TGFB1: variants seen among roughly 807,000 people sequenced by gnomAD.
The protein encoded by TGFB1 is transforming growth factor beta 1, also known as transforming growth factor beta-1 proprotein.
TGFB1 carries 19 observed loss-of-function variants against 43.8 expected under a neutral mutation model. The observed-to-expected ratio is 0.43, with a 90% CI of 0.30 to 0.64. TGFB1 has a LOEUF of 0.64. TGFB1 is among the 30% of genes least tolerant of loss of function. The probability of loss-of-function intolerance (pLI) is 0.11; values close to 1 mark genes in which losing one functional copy is unlikely to be tolerated. For synonymous variants in TGFB1, 221 were observed against 236.3 expected, an observed-to-expected ratio of 0.94 and a Z score of 0.60; for missense variants, 445 against 529.8, an observed-to-expected ratio of 0.84 and a Z score of 1.57.
At chr19:41,343,999 T>TTC (rs386389044) in intron 3 of TGFB1, among the ~76,000 whole-genome samples, 2 of 127,748 alleles carry the variant, frequency 1.6e-5, no homozygotes, top group East Asian at 3.9e-4. Flanking sequence ...TTTTTTTTTT[T>TTC]TGAGATGGGA....
At position 41,341,913 on chromosome 19, in the gene TGFB1, C is replaced by T. The variant is rs1195992341; in HGVS notation, c.830G>A (p.Arg277His). The T allele has an allele frequency of 1.2e-6, 2 of 1,613,900 alleles. No homozygotes were observed. Among genetic ancestry groups the T allele is most frequent in the African/African-American group, 1.3e-5 (1 of 75,038 alleles). The part of the protein sequence containing the change: ...RAQHLQSSRH[R>H]RALDTNYCFS... The stretch of plus-strand genomic sequence containing the variant: ...GCAATAGTTGGTGTCCAGGGCTCGG[C>T]GGTGCCGGGAGCTTTGCAGATGCTG... Residue 277 changes from arginine to histidine, a missense_variant, in exon 5 of 7, where the codon CGC becomes CAC. Coordinates refer to ENST00000221930, the MANE Select transcript of TGFB1 (RefSeq NM_000660.7).
At chr19:41,344,992 T>C in intron 2 of TGFB1, 128 bp from the exon 3 acceptor site, 1 of 827,760 alleles carries the variant, frequency 1.2e-6, no homozygotes, top group East Asian at 2.7e-5. Flanking sequence ...GGCACTACCC[T>C]CTCAGACAGC....
intron 5 of TGFB1, among the ~76,000 whole-genome samples, chr19:41,337,592 T>G (rs147489543): frequency 2.6e-5 from 4 of 152,218 alleles, no homozygotes; most frequent in African/African-American, 9.6e-5. Flanking sequence ...TAGGACTTTT[T>G]TCAAAATCTA....
chr19:41,344,152 T>G (rs540219940), intron 3 of TGFB1, among the ~76,000 whole-genome samples: 1 of 151,824 alleles, frequency 6.6e-6, no homozygotes, highest in East Asian at 1.9e-4. Flanking sequence ...ATGGCTAATT[T>G]TTGTATTTTT....
At position 41,352,777 on chromosome 19, in the gene TGFB1, C is replaced by T. The variant is rs1318218099; in HGVS notation, c.268G>A (p.Gly90Arg). Residue 90 changes from glycine to arginine, a missense_variant, in exon 1 of 7, where the codon GGG (glycine) becomes AGG (arginine). Gly to Arg is a moderately radical substitution (Grantham distance 125, BLOSUM62 -2). Transcript: ENST00000221930. ...TCGGGCTCCGGTTCTGCACTCTCCC[C>T]GGCCACCCGGTCGCGGGTGCTGTTG... ...LYNSTRDRVA[G>R]ESAEPEPEPE... 2 of 1,610,726 alleles carry T rather than the reference C, an allele frequency of 1.2e-6. No individual in the cohort carries two copies. The highest frequency in any genetic ancestry group is 1.1e-5 in the South Asian group (1 of 90,792).
Position 41,342,305 on chromosome 19 carries a change from G to A in TGFB1, c.635-58C>T, listed in dbSNP as rs994625081. 40 of 1,534,764 alleles carry A rather than the reference G, an allele frequency of 2.6e-5. 1 individual carries two copies. In the Admixed American group the frequency reaches 6.1e-4, roughly 23 times the overall value. ...GAGTGCAGCTCACCCAGCCCCTGGA[G>A]GAAGAGGAAGGAAGGAGCAAACCCC... On this transcript the variant is annotated intron_variant, in intron 3 of 6. Coordinates refer to ENST00000221930, the MANE Select transcript of TGFB1 (RefSeq NM_000660.7).
At chr19:41,348,574 CTTTTATTT>C (rs1358069312) in intron 1 of TGFB1, 119 bp from the exon 2 acceptor site, 7 of 457,956 alleles carry the variant, frequency 1.5e-5, no homozygotes, top group African/African-American at 4.6e-5. Flanking sequence ...TCTCTGATAC[CTTTTATTT>C]ATTTATTTAT....
At chr19:41,345,705 C>T (rs549037410) in intron 2 of TGFB1, among the ~76,000 whole-genome samples, 19 of 151,504 alleles carry the variant, frequency 1.3e-4, no homozygotes, top group Non-Finnish European at 2.5e-4. Context: ...AGTTCAAGAC[C>T]AGCCTGGCCA....
At chr19:41,332,039 CCT>C (rs2037937650) in intron 6 of TGFB1, 87 bp downstream of exon 6, 1 of 1,517,958 alleles carries the variant, frequency 6.6e-7, no homozygotes, top group Non-Finnish European at 9.0e-7. Flanking sequence ...TGCCAACTCA[CCT>C]CTCTGACTTT....
chr19:41,344,410 C>A (rs1427853487), intron 3 of TGFB1, among the ~76,000 whole-genome samples: 2 of 152,164 alleles, frequency 1.3e-5, no homozygotes, highest in African/African-American at 2.4e-5. Context: ...CCTTTGGGCT[C>A]CCCATCCCAG....
chr19:41,332,060 TTCTC>T, intron 6 of TGFB1, 64 bp downstream of exon 6: 2 of 1,569,496 alleles, frequency 1.3e-6, no homozygotes, highest in South Asian at 2.3e-5. Context: ...TTACTTCTCT[TTCTC>T]TCTCCTCTTC....
chr19:41,333,207 C>CTTT (rs1568474595), intron 5 of TGFB1, among the ~76,000 whole-genome samples: 2 of 120,746 alleles, frequency 1.7e-5, no homozygotes, highest in Non-Finnish European at 3.4e-5. Context: ...CTTTTTTTTT[C>CTTT]TATTTTTTTT....
At chr19:41,346,595 T>C (rs1431781359) in intron 2 of TGFB1, among the ~76,000 whole-genome samples, 4 of 152,188 alleles carry the variant, frequency 2.6e-5, no homozygotes, top group Non-Finnish European at 5.9e-5. Flanking sequence ...AAGCTCCCTA[T>C]CTTCTAGAGC....
intron 1 of TGFB1, 65 bp downstream of exon 1, chr19:41,352,625 T>C: frequency 5.1e-6 from 8 of 1,569,934 alleles, no homozygotes; most frequent in Non-Finnish European, 7.0e-6. Context: ...TTCCTACCCG[T>C]GGCCCCGGCA....
At chr19:41,331,279 TC>T in intron 6 of TGFB1, 69 bp from the exon 7 acceptor site, 1 of 1,426,390 alleles carries the variant, frequency 7.0e-7, no homozygotes, top group Non-Finnish European at 9.2e-7. Flanking sequence ...CACTGCCCCA[TC>T]CCCCACCCGC....
intron 5 of TGFB1, among the ~76,000 whole-genome samples, chr19:41,341,465 T>TCAAAAAAAAA (rs2038054018): frequency 8.0e-5 from 1 of 12,454 alleles, no homozygotes; most frequent in Admixed American, 1.5e-3. Flanking sequence ...AGACTCTGTC[T>TCAAAAAAAAA]CAAAAAAAAA....
rs891302849 is a variant in TGFB1, at chr19:41,353,124, TG to T, written c.-81del. On this transcript the variant is annotated 5_prime_UTR_variant, in exon 1 of 7. Transcript: ENST00000221930. The surrounding 1 kb of genome is among the most constrained non-coding windows in gnomAD (Gnocchi z 5.9). ...GGGGAGGCCCCGCCCCTGCAGGGGC[TG>T]GGGGTCTCCCGGCAAAAGGTAGGAG... 2.8e-6 allele frequency: 4 copies of T among 1,415,700 alleles called. No individual in the cohort carries two copies. Among genetic ancestry groups the T allele is most frequent in the South Asian group, 3.0e-5 (2 of 65,590 alleles). 87.7% of individuals were successfully genotyped at this position (1,415,700 alleles called of 1,614,324 possible).
chr19:41,346,556 A>G (rs565751965), intron 2 of TGFB1, among the ~76,000 whole-genome samples: 1 of 152,294 alleles, frequency 6.6e-6, no homozygotes, highest in South Asian at 2.1e-4. Context: ...TAGAGCCTCC[A>G]GCCCTTCCAG....
intron 5 of TGFB1, among the ~76,000 whole-genome samples, chr19:41,339,669 C>A (rs11466341): frequency 6.6e-6 from 1 of 151,546 alleles, no homozygotes; most frequent in East Asian, 2.0e-4. Context: ...CTAAAAAAAC[C>A]AAAAATTAGC....
Sources: gnomAD v4.1 joint callset for allele counts (sites outside exome capture counted in the v4.1 genomes callset) on GRCh38, gnomAD v4.1.1 for gene constraint, Gnocchi (gnomAD v3.1) non-coding constraint, MANE v1.5 for transcripts, NCBI Gene and HGNC (gene_info 2026-07-23, HGNC 2026-07-21) for gene names.